The following TAF4 variants were observed in gnomAD, a reference collection of about 807,000 sequenced individuals.
The protein encoded by TAF4 is transcription initiation factor TFIID subunit 4.
Under a neutral mutation model 90.3 loss-of-function variants are expected in TAF4, and 9 were observed. The ratio of observed to expected loss-of-function variants is 0.10; its 90% confidence interval spans 0.06 to 0.17. The LOEUF (loss-of-function observed/expected upper bound fraction) is 0.17. Ranked by LOEUF, TAF4 falls within the 10% of genes least tolerant of loss-of-function variation. TAF4 has a pLI of 1.00. For synonymous variants in TAF4, 818 were observed against 638.9 expected (o/e 1.28, Z -4.23); for missense variants, 1,351 against 1,370.7 (o/e 0.99, Z 0.23).
In TAF4 at chr20:62,065,795, C is replaced by T. The variant is rs1425848407; in HGVS notation, c.16G>A (p.Asp6Asn). MAAGS[D>N]LLDEVFFNSE... The stretch of plus-strand genomic sequence containing the variant: ...TTGAAGAAGACCTCGTCCAGCAGAT[C>T]CGAGCCCGCCGCCATCTTTTTTCCT... Residue 6 changes from aspartate (D) to asparagine (N), a missense_variant, in exon 1 of 15, where the codon GAT (aspartate) becomes AAT (asparagine). Transcript: ENST00000252996. 7.6e-7 allele frequency: 1 copy of T among 1,311,122 alleles called. No homozygotes were observed. The allele number at this position is 1,311,122 out of a possible 1,614,324, so 81.2% of individuals were successfully genotyped here.
chr20:61,998,661 T>C (rs970502299), intron 12 of TAF4, among the ~76,000 whole-genome samples: 1 of 152,190 alleles, frequency 6.6e-6, no homozygotes, highest in Non-Finnish European at 1.5e-5. Context: ...GTGAATGTTC[T>C]AGAACAAGGA....
intron 2 of TAF4, 48 bp from the exon 3 acceptor site, chr20:62,012,982 T>C (rs765731197): frequency 1.2e-6 from 2 of 1,607,862 alleles, no homozygotes; most frequent in Admixed American, 1.7e-5. Flanking sequence ...TAAAAGGAAT[T>C]CCCACCCCCA....
chr20:61,998,087 A>AC, intron 13 of TAF4, 49 bp downstream of exon 13: 2 of 1,588,516 alleles, frequency 1.3e-6, no homozygotes, highest in Non-Finnish European at 8.6e-7. Flanking sequence ...GTGGGGCGCT[A>AC]CAGTGCACAG....
At chr20:62,000,776 G>A (rs2123125254) in intron 9 of TAF4, 55 bp from the exon 10 acceptor site, 1 of 1,596,266 alleles carries the variant, frequency 6.3e-7, no homozygotes, top group Non-Finnish European at 8.6e-7. Context: ...ATCGGGAGGT[G>A]GGCTGGGGTG....
At chr20:62,020,469 T>G (rs2055836617) in intron 1 of TAF4, among the ~76,000 whole-genome samples, 2 of 152,358 alleles carry the variant, frequency 1.3e-5, no homozygotes, top group South Asian at 4.1e-4. Flanking sequence ...CTGGTTTTCC[T>G]TATCTTCTAG....
At chr20:62,007,734 C>G in intron 5 of TAF4, 98 bp from the exon 6 acceptor site, 3 of 1,187,992 alleles carry the variant, frequency 2.5e-6, no homozygotes, top group Non-Finnish European at 3.6e-6. Context: ...CGGCTGATTC[C>G]GCCCCGAGTT....
intron 14 of TAF4, among the ~76,000 whole-genome samples, chr20:61,984,511 G>A (rs564437238): frequency 7.7e-6 from 1 of 129,350 alleles, no homozygotes; most frequent in African/African-American, 2.7e-5. Context: ...AGGGTGAAAA[G>A]CTACGGGACA....
intron 14 of TAF4, among the ~76,000 whole-genome samples, chr20:61,993,767 T>C (rs1299309176): frequency 1.3e-5 from 2 of 152,122 alleles, no homozygotes; most frequent in Non-Finnish European, 2.9e-5. Flanking sequence ...TGTTTTTTGT[T>C]TTTGAGATGG....
chr20:62,025,108 C>T (rs766187756), intron 1 of TAF4, among the ~76,000 whole-genome samples: 2 of 152,196 alleles, frequency 1.3e-5, no homozygotes, highest in African/African-American at 2.4e-5. Flanking sequence ...TCTCTGACAA[C>T]AGCCCTGCAG....
intron 14 of TAF4, among the ~76,000 whole-genome samples, chr20:61,988,064 G>A (rs2123107066): frequency 6.6e-6 from 1 of 152,310 alleles, no homozygotes; most frequent in African/African-American, 2.4e-5. Flanking sequence ...CAGGAGGGGA[G>A]GGATGAACGG....
At chr20:62,009,700 T>C (rs2055767154) in intron 4 of TAF4, among the ~76,000 whole-genome samples, 1 of 152,122 alleles carries the variant, frequency 6.6e-6, no homozygotes, top group Non-Finnish European at 1.5e-5. Context: ...CTCTTCTGTT[T>C]TAATAAAGAT....
At chr20:62,044,021 T>G (rs2055978874) in intron 1 of TAF4, among the ~76,000 whole-genome samples, 2 of 152,354 alleles carry the variant, frequency 1.3e-5, no homozygotes, top group South Asian at 4.1e-4. Context: ...TGGCCTTCCC[T>G]TAAGACTGAG....
intron 14 of TAF4, among the ~76,000 whole-genome samples, chr20:61,985,513 G>A (rs2055582762): frequency 1.3e-5 from 2 of 152,060 alleles, no homozygotes; most frequent in Admixed American, 6.5e-5. Context: ...ATTTTGACCT[G>A]TGAGGTTAAA....
Position 61,976,293 on chromosome 20 carries a change from C to T in TAF4, c.3133G>A (p.Gly1045Arg). The T allele has an allele frequency of 1.2e-6, 2 of 1,613,830 alleles. No individual in the cohort carries two copies. Among genetic ancestry groups the T allele is most frequent in the Non-Finnish European group, 1.7e-6 (2 of 1,180,030 alleles). Residue 1045 changes from glycine to arginine, a missense_variant, in exon 15 of 15, where the codon GGA (glycine) becomes AGA (arginine). Gly to Arg is a moderately radical substitution (Grantham distance 125, BLOSUM62 -2). Transcript: ENST00000252996. ...GSVVPGSSGVGTPRQFTRQRI... is the reference protein window; with the variant it reads ...GSVVPGSSGVRTPRQFTRQRI... Reference sequence around the variant, plus strand: ...TGTCGCGTGAACTGTCTGGGGGTTCCGACACCCGAGCTGCCTGGGACCACT... The same window carrying T: ...TGTCGCGTGAACTGTCTGGGGGTTCTGACACCCGAGCTGCCTGGGACCACT...
chr20:62,034,670 G>A (rs779421961), intron 1 of TAF4, among the ~76,000 whole-genome samples: 1 of 151,884 alleles, frequency 6.6e-6, no homozygotes, highest in African/African-American at 2.4e-5. Flanking sequence ...TAGCAGCAAT[G>A]AACTCAGAAT....
At chr20:62,062,477 G>A (rs1296428966) in intron 1 of TAF4, among the ~76,000 whole-genome samples, 2 of 152,006 alleles carry the variant, frequency 1.3e-5, no homozygotes, top group Admixed American at 1.3e-4. Context: ...AACTGCAGGA[G>A]GCCATGAAGA....
At chr20:62,023,565 T>C (rs1333438577) in intron 1 of TAF4, among the ~76,000 whole-genome samples, 1 of 151,730 alleles carries the variant, frequency 6.6e-6, no homozygotes, top group African/African-American at 2.4e-5. Flanking sequence ...CTGGCCAACA[T>C]GGTGAAACCC....
chr20:62,025,625 G>A (rs2055870428), intron 1 of TAF4, among the ~76,000 whole-genome samples: 1 of 152,206 alleles, frequency 6.6e-6, no homozygotes, highest in Admixed American at 6.5e-5. Context: ...GCCGCCATGT[G>A]AAGAAGGTAC....
At chr20:62,025,614 T>G (rs1329410508) in intron 1 of TAF4, among the ~76,000 whole-genome samples, 1 of 152,238 alleles carries the variant, frequency 6.6e-6, no homozygotes, top group Non-Finnish European at 1.5e-5. Context: ...CTGTCTCTCC[T>G]GCCGCCATGT....
Sources: gnomAD v4.1 joint callset for allele counts (sites outside exome capture counted in the v4.1 genomes callset) on GRCh38, gnomAD v4.1.1 for gene constraint, MANE v1.5 for transcripts, NCBI Gene and HGNC (gene_info 2026-07-23, HGNC 2026-07-21) for gene names.